The following DPP10 variants were observed in gnomAD, a reference collection of about 807,000 sequenced individuals.
DPP10 encodes inactive dipeptidyl peptidase 10.
In DPP10, 33 loss-of-function variants were observed where a neutral mutation model predicts 120.9. The ratio of observed to expected loss-of-function variants is 0.27; its 90% CI spans 0.21 to 0.37. The LOEUF is 0.37. DPP10 is among the 10% of genes least tolerant of loss of function. The pLI, the probability that DPP10 is intolerant of heterozygous loss-of-function variation, is 1.00. For synonymous variants in DPP10, 337 were observed against 326.1 expected, an observed-to-expected ratio of 1.03 and a Z score of -0.36; for missense variants, 816 against 942.8, an observed-to-expected ratio of 0.87 and a Z score of 1.76.
intron 5 of DPP10, among the ~76,000 whole-genome samples, chr2:115,629,377 T>G (rs1279368197): frequency 2.0e-5 from 3 of 152,166 alleles, no homozygotes; most frequent in East Asian, 3.9e-4. Flanking sequence ...TCTAGATCCC[T>G]GAGGAATTGC....
At chr2:115,620,167 C>G (rs544620207) in intron 5 of DPP10, among the ~76,000 whole-genome samples, 11 of 152,320 alleles carry the variant, frequency 7.2e-5, no homozygotes, top group African/African-American at 2.6e-4. Flanking sequence ...GGGCCAGGCT[C>G]AAATCTGTCA....
chr2:115,066,283 AAC>A (rs1573484917), intron 1 of DPP10, among the ~76,000 whole-genome samples: 1 of 152,182 alleles, frequency 6.6e-6, no homozygotes, highest in Non-Finnish European at 1.5e-5. Flanking sequence ...AGGATTAAAT[AAC>A]AGTTGTAATT....
At chr2:114,941,563 G>T (rs553648920) in intron 1 of DPP10, among the ~76,000 whole-genome samples, 6 of 152,160 alleles carry the variant, frequency 3.9e-5, no homozygotes, top group African/African-American at 1.4e-4. Context: ...ATATCTGGAG[G>T]ATTTAATGAT....
At chr2:115,161,974 G>T (rs937476781) in intron 1 of DPP10, 24 of 1,421,148 alleles carry the variant, frequency 1.7e-5, no homozygotes, top group Non-Finnish European at 2.0e-5. Context: ...CCGCGAAGCA[G>T]GAGCCGCAGC....
intron 1 of DPP10, among the ~76,000 whole-genome samples, chr2:115,082,898 GA>G (rs1326322596): frequency 2.0e-5 from 3 of 152,170 alleles, no homozygotes; most frequent in Non-Finnish European, 2.9e-5. Context: ...TAGGTTTGCA[GA>G]AAAACTCAAC....
chr2:115,461,104 G>C (rs2073959334), intron 3 of DPP10, among the ~76,000 whole-genome samples: 1 of 152,074 alleles, frequency 6.6e-6, no homozygotes, highest in Non-Finnish European at 1.5e-5. Flanking sequence ...CTCCCCTGTG[G>C]CTTCTATGTT....
chr2:115,582,508 C>T (rs1004924482), intron 5 of DPP10, among the ~76,000 whole-genome samples: 3 of 152,162 alleles, frequency 2.0e-5, no homozygotes, highest in African/African-American at 7.2e-5. Flanking sequence ...AGTTTGACAT[C>T]TGCCCAACCG....
chr2:114,595,313 A>G (rs1157551114), intron 1 of DPP10, among the ~76,000 whole-genome samples: 1 of 152,086 alleles, frequency 6.6e-6, no homozygotes, highest in Non-Finnish European at 1.5e-5. Flanking sequence ...TGAGGAGTAC[A>G]TCGCCTACCC....
At chr2:115,738,504 T>C (rs1452837260) in intron 8 of DPP10, among the ~76,000 whole-genome samples, 1 of 152,136 alleles carries the variant, frequency 6.6e-6, no homozygotes, top group African/African-American at 2.4e-5. Context: ...ATGACAATCA[T>C]AGGACAGGCA....
chr2:115,787,763 C>G (rs1047484845), intron 17 of DPP10, among the ~76,000 whole-genome samples: 5 of 152,082 alleles, frequency 3.3e-5, no homozygotes, highest in African/African-American at 4.8e-5. Context: ...CACACTAGCG[C>G]ACATCATTAG....
chr2:114,753,908 C>CAAAAAAAA (rs777798352), intron 1 of DPP10, among the ~76,000 whole-genome samples: 1 of 33,758 alleles, frequency 3.0e-5, no homozygotes, highest in African/African-American at 8.9e-5. Flanking sequence ...GACTCCTTCT[C>CAAAAAAAA]AAAAAAAAAA....
intron 5 of DPP10, among the ~76,000 whole-genome samples, chr2:115,650,023 AAAAG>A (rs1028179967): frequency 9.9e-5 from 15 of 152,042 alleles, no homozygotes; most frequent in African/African-American, 3.6e-4. Flanking sequence ...TTGGCAAAAA[AAAAG>A]AGAGAGACTG....
intron 1 of DPP10, among the ~76,000 whole-genome samples, chr2:114,910,265 A>G (rs1430798277): frequency 1.3e-5 from 2 of 151,878 alleles, no homozygotes; most frequent in Non-Finnish European, 2.9e-5. Flanking sequence ...AGGTTATTTT[A>G]TTTCTTCTAG....
intron 1 of DPP10, among the ~76,000 whole-genome samples, chr2:115,308,761 A>G (rs1259443353): frequency 2.0e-5 from 3 of 150,060 alleles, no homozygotes; most frequent in Non-Finnish European, 3.0e-5. Flanking sequence ...TTGGTTAACA[A>G]ATGTGCGCTG....
chr2:115,072,995 C>T (rs1004543196), intron 1 of DPP10, among the ~76,000 whole-genome samples: 1 of 152,100 alleles, frequency 6.6e-6, no homozygotes, highest in African/African-American at 2.4e-5. Flanking sequence ...GTTGGCCAGG[C>T]TGGTCTCGAA....
At chr2:115,063,523 A>G (rs1195287809) in intron 1 of DPP10, among the ~76,000 whole-genome samples, 1 of 152,200 alleles carries the variant, frequency 6.6e-6, no homozygotes, top group Admixed American at 6.5e-5. Context: ...ACTATACTAC[A>G]AGGCTACAGT....
intron 4 of DPP10, among the ~76,000 whole-genome samples, chr2:115,504,277 T>TC (rs1416759123): frequency 6.7e-6 from 1 of 148,584 alleles, no homozygotes; most frequent in Non-Finnish European, 1.5e-5. Context: ...ATTGCCAACT[T>TC]TTTTTTTTTT....
At chr2:114,753,833 C>T (rs928021893) in intron 1 of DPP10, among the ~76,000 whole-genome samples, 4 of 136,770 alleles carry the variant, frequency 2.9e-5, no homozygotes, top group African/African-American at 1.1e-4. Context: ...GGCATGAACC[C>T]GGGAGGGGGA....
intron 1 of DPP10, among the ~76,000 whole-genome samples, chr2:114,931,799 C>T (rs1445870991): frequency 6.6e-6 from 1 of 152,206 alleles, no homozygotes; most frequent in Admixed American, 6.5e-5. Context: ...GTAATAGCTG[C>T]ATCAGTTAAG....
Sources: allele counts gnomAD v4.1 joint callset (sites outside exome capture counted in the v4.1 genomes callset), GRCh38; gene constraint gnomAD v4.1.1; transcripts MANE v1.5; gene names NCBI Gene and HGNC (gene_info 2026-07-23, HGNC 2026-07-21).